Variants in PRKCE observed in about 807,000 individuals in gnomAD.
The protein encoded by PRKCE is protein kinase C epsilon type.
Under a neutral mutation model 85.4 loss-of-function variants are expected in PRKCE, and 16 were observed. The ratio of observed to expected loss-of-function variants is 0.19; its 90% CI spans 0.13 to 0.28. PRKCE has a LOEUF of 0.28. PRKCE is among the 10% of genes least tolerant of loss of function. The pLI, the probability that PRKCE is intolerant of heterozygous loss-of-function variation, is 1.00. For synonymous variants in PRKCE, 388 were observed against 371.5 expected (o/e 1.04, Z -0.51); for missense variants, 573 against 975.2 (o/e 0.59, Z 5.49).
intron 11 of PRKCE, among the ~76,000 whole-genome samples, chr2:46,119,303 G>A (rs986239393): frequency 1.3e-5 from 2 of 151,996 alleles, no homozygotes; most frequent in Admixed American, 1.3e-4. Flanking sequence ...GGGTTATTAG[G>A]GTGTTTTTTT....
At chr2:46,124,337 AAG>A in intron 11 of PRKCE, among the ~76,000 whole-genome samples, 1 of 152,346 alleles carries the variant, frequency 6.6e-6, no homozygotes, top group Non-Finnish European at 1.5e-5. Context: ...ACAAAAAAGA[AAG>A]AGAGATACTA....
At chr2:45,889,874 A>G (rs1330908535) in intron 2 of PRKCE, among the ~76,000 whole-genome samples, 1 of 152,236 alleles carries the variant, frequency 6.6e-6, no homozygotes, top group Non-Finnish European at 1.5e-5. Flanking sequence ...CTGCAACTGC[A>G]TGAGCCGTGC....
At position 45,696,605 on chromosome 2, in the gene PRKCE, C is replaced by T. The variant is rs539947912; in HGVS notation, c.348+44157C>T. Among the ~76,000 whole-genome samples the T allele has an allele frequency of 9.9e-5, 15 of 152,206 alleles. No homozygotes were observed. The South Asian group carries it at 2.7e-3, about 27-fold the overall frequency. On this transcript the variant is annotated intron_variant, in intron 1 of 14. Transcript: ENST00000306156. ...CTCAGCTTCATCTTTTCACTGGGTT[C>T]GAAACAGGCTTTTCTGAATAAGCAA...
chr2:46,010,225 A>T, intron 9 of PRKCE, 119 bp from the exon 10 acceptor site: 1 of 1,166,380 alleles, frequency 8.6e-7, no homozygotes, highest in Non-Finnish European at 1.2e-6. Context: ...CAGGCTTGTT[A>T]TAATATTTAA....
intron 2 of PRKCE, among the ~76,000 whole-genome samples, chr2:45,937,681 CT>C (rs1156705466): frequency 6.6e-6 from 1 of 151,974 alleles, no homozygotes; most frequent in African/African-American, 2.4e-5. Context: ...TACCACTGCA[CT>C]CCAGCCTGGG....
chr2:45,775,149 C>T (rs1034944186), intron 1 of PRKCE, among the ~76,000 whole-genome samples: 3 of 152,142 alleles, frequency 2.0e-5, no homozygotes, highest in East Asian at 1.9e-4. Context: ...CCTCAAGCCC[C>T]ATTGTCCATG....
chr2:46,133,523 G>T (rs768124168), intron 11 of PRKCE, among the ~76,000 whole-genome samples: 15 of 152,176 alleles, frequency 9.9e-5, no homozygotes, highest in Non-Finnish European at 1.5e-4. Context: ...TTATTACATA[G>T]TAGGGGCAAG....
intron 1 of PRKCE, among the ~76,000 whole-genome samples, chr2:45,738,228 G>C (rs1682254262): frequency 6.6e-6 from 1 of 152,144 alleles, no homozygotes; most frequent in Non-Finnish European, 1.5e-5. Flanking sequence ...TTATTTTTCA[G>C]GGTTTTCTCT....
chr2:45,999,891 G>A (rs1020398142), intron 6 of PRKCE, among the ~76,000 whole-genome samples: 2 of 152,088 alleles, frequency 1.3e-5, no homozygotes, highest in African/African-American at 2.4e-5. Flanking sequence ...CTACTAATAA[G>A]CCCATCAGAA....
chr2:45,826,655 G>A (rs1689964223), intron 1 of PRKCE, among the ~76,000 whole-genome samples: 1 of 152,208 alleles, frequency 6.6e-6, no homozygotes, highest in South Asian at 2.1e-4. Flanking sequence ...TCTCACAGAT[G>A]TCTCCGACAT....
intron 2 of PRKCE, among the ~76,000 whole-genome samples, chr2:45,936,199 C>T (rs959739706): frequency 1.3e-5 from 2 of 152,232 alleles, no homozygotes; most frequent in Non-Finnish European, 2.9e-5. Flanking sequence ...CCCACCCCTG[C>T]CTGCTGTGCC....
intron 11 of PRKCE, among the ~76,000 whole-genome samples, chr2:46,091,825 C>T (rs1383311744): frequency 6.6e-6 from 1 of 152,146 alleles, no homozygotes; most frequent in East Asian, 1.9e-4. Context: ...CTTATCCATC[C>T]CGGTCTCCAA....
chr2:45,923,197 G>A (rs114287870), intron 2 of PRKCE, among the ~76,000 whole-genome samples: 1,802 of 152,304 alleles, frequency 0.012, 41 homozygotes, highest in African/African-American at 0.042. Context: ...TGATAGGAAG[G>A]ACTATGGCAC....
At chr2:45,689,397 C>T (rs1198469097) in intron 1 of PRKCE, among the ~76,000 whole-genome samples, 2 of 151,956 alleles carry the variant, frequency 1.3e-5, no homozygotes, top group Admixed American at 6.5e-5. Flanking sequence ...CCTCCCACGA[C>T]CCCCAATCCC....
intron 11 of PRKCE, among the ~76,000 whole-genome samples, chr2:46,141,180 A>G (rs757189958): frequency 5.3e-5 from 8 of 152,162 alleles, no homozygotes; most frequent in African/African-American, 1.2e-4. Flanking sequence ...AAAATGTCCT[A>G]TGCAGATGGT....
intron 1 of PRKCE, among the ~76,000 whole-genome samples, chr2:45,660,011 A>G (rs1305437257): frequency 6.6e-6 from 1 of 152,212 alleles, no homozygotes; most frequent in Non-Finnish European, 1.5e-5. Context: ...TTGTTGAATG[A>G]ATGAATAAAT....
intron 6 of PRKCE, among the ~76,000 whole-genome samples, chr2:45,994,454 C>T (rs964509544): frequency 2.0e-5 from 3 of 152,192 alleles, no homozygotes; most frequent in Non-Finnish European, 4.4e-5. Flanking sequence ...ATCCCTCCCT[C>T]TCTCCTAACC....
intron 2 of PRKCE, among the ~76,000 whole-genome samples, chr2:45,950,497 A>T (rs1056404403): frequency 6.6e-5 from 10 of 152,176 alleles, no homozygotes; most frequent in Non-Finnish European, 1.5e-4. Flanking sequence ...TGAGGATGGC[A>T]GATAAAGATG....
intron 1 of PRKCE, among the ~76,000 whole-genome samples, chr2:45,767,278 TA>T (rs146270396): frequency 3.9e-5 from 6 of 152,122 alleles, no homozygotes; most frequent in Non-Finnish European, 5.9e-5. Flanking sequence ...TGAAACTTTT[TA>T]AAAAAAGGAA....
Sources: allele counts gnomAD v4.1 joint callset (sites outside exome capture counted in the v4.1 genomes callset), GRCh38; gene constraint gnomAD v4.1.1; transcripts MANE v1.5; gene names NCBI Gene and HGNC (gene_info 2026-07-23, HGNC 2026-07-21).